SPIRE1: variants seen among roughly 807,000 people sequenced by gnomAD.
SPIRE1 encodes protein spire homolog 1.
Under a neutral mutation model 94.1 loss-of-function variants are expected in SPIRE1, and 40 were observed. That is an observed-to-expected ratio of 0.43 (90% confidence interval 0.33 to 0.55). The LOEUF is 0.55. SPIRE1 is among the 20% of genes least tolerant of loss of function. The probability of loss-of-function intolerance (pLI) is 0.06; values close to 1 mark genes in which losing one functional copy is unlikely to be tolerated. For synonymous variants in SPIRE1, 376 were observed against 371.7 expected, an observed-to-expected ratio of 1.01 and a Z score of -0.13; for missense variants, 838 against 975.2, an observed-to-expected ratio of 0.86 and a Z score of 1.87.
chr18:12,526,107 T>C (rs1159543702), intron 4 of SPIRE1, among the ~76,000 whole-genome samples: 1 of 44,476 alleles, frequency 2.2e-5, no homozygotes, highest in Non-Finnish European at 5.6e-5. Context: ...ATGTATCTGA[T>C]GCCTGCAGAA....
chr18:12,580,877 A>T (rs2036240205), intron 2 of SPIRE1, among the ~76,000 whole-genome samples: 1 of 152,128 alleles, frequency 6.6e-6, no homozygotes, highest in African/African-American at 2.4e-5. Flanking sequence ...AAAGCAGTAG[A>T]GCTAGTTATT....
At chr18:12,525,240 G>A (rs373893254) in intron 4 of SPIRE1, among the ~76,000 whole-genome samples, 36 of 121,646 alleles carry the variant, frequency 3.0e-4, no homozygotes, top group Admixed American at 1.9e-3. Context: ...TCATGCCACC[G>A]TACTCCAGCC....
At chr18:12,568,593 T>G (rs1309504805) in intron 2 of SPIRE1, among the ~76,000 whole-genome samples, 3 of 152,220 alleles carry the variant, frequency 2.0e-5, no homozygotes, top group African/African-American at 7.2e-5. Context: ...TGATGTTAAT[T>G]TGCATGTTTA....
chr18:12,587,992 C>G (rs2036433882), intron 2 of SPIRE1, among the ~76,000 whole-genome samples: 1 of 152,098 alleles, frequency 6.6e-6, no homozygotes, highest in Non-Finnish European at 1.5e-5. Flanking sequence ...TTTCTCCAAC[C>G]CTACTCCCTC....
intron 4 of SPIRE1, among the ~76,000 whole-genome samples, chr18:12,518,640 A>T (rs2034270027): frequency 6.6e-6 from 1 of 152,102 alleles, no homozygotes; most frequent in Admixed American, 6.6e-5. Flanking sequence ...CTGAGATTGC[A>T]TCACTGCATG....
intron 16 of SPIRE1, among the ~76,000 whole-genome samples, chr18:12,451,744 C>T (rs530348065): frequency 5.3e-5 from 8 of 152,216 alleles, no homozygotes; most frequent in Admixed American, 1.3e-4. Flanking sequence ...CAACACTAAA[C>T]TTACCCTGCA....
intron 2 of SPIRE1, among the ~76,000 whole-genome samples, chr18:12,578,708 C>A (rs1330961978): frequency 6.6e-6 from 1 of 152,126 alleles, no homozygotes; most frequent in Non-Finnish European, 1.5e-5. Context: ...CGATGTGTAG[C>A]CCTGGGTCAA....
At chr18:12,549,414 C>CT (rs1567926123) in intron 2 of SPIRE1, among the ~76,000 whole-genome samples, 1 of 16,290 alleles carries the variant, frequency 6.1e-5, no homozygotes, top group South Asian at 1.7e-3. Context: ...TTTTGTTTTG[C>CT]TTTTTGTTTG....
chr18:12,609,312 T>C (rs2037073846), intron 2 of SPIRE1, among the ~76,000 whole-genome samples: 1 of 152,178 alleles, frequency 6.6e-6, no homozygotes, highest in Non-Finnish European at 1.5e-5. Flanking sequence ...AGAGTTCATA[T>C]CAAGGACTAT....
chr18:12,606,015 T>C (rs75051950), intron 2 of SPIRE1, among the ~76,000 whole-genome samples: 1,526 of 152,268 alleles, frequency 0.01, 8 homozygotes, highest in Middle Eastern at 0.031. Flanking sequence ...TACTCCCTCA[T>C]ATCACTCAGA....
intron 2 of SPIRE1, among the ~76,000 whole-genome samples, chr18:12,621,334 TAG>T (rs1221453297): frequency 6.6e-6 from 1 of 152,196 alleles, no homozygotes; most frequent in Non-Finnish European, 1.5e-5. Context: ...AGTTAAAATA[TAG>T]AGTTACCAGT....
chr18:12,573,604 AT>A (rs1350966169), intron 2 of SPIRE1, among the ~76,000 whole-genome samples: 1 of 152,256 alleles, frequency 6.6e-6, no homozygotes, highest in African/African-American at 2.4e-5. Context: ...AGATAATGGA[AT>A]AATATTCAAA....
intron 7 of SPIRE1, among the ~76,000 whole-genome samples, chr18:12,493,612 G>A (rs1041984836): frequency 3.3e-5 from 5 of 152,054 alleles, no homozygotes; most frequent in African/African-American, 1.2e-4. Flanking sequence ...TCACCAAGTT[G>A]GTCAGGCTGG....
intron 12 of SPIRE1, among the ~76,000 whole-genome samples, chr18:12,461,144 C>CACA (rs1251557301): frequency 6.6e-6 from 1 of 152,184 alleles, no homozygotes; most frequent in African/African-American, 2.4e-5. Context: ...AGGAAACAGA[C>CACA]ACAGTCATGG....
chr18:12,633,993 A>C (rs1275152208), intron 2 of SPIRE1, among the ~76,000 whole-genome samples: 1 of 152,228 alleles, frequency 6.6e-6, no homozygotes, highest in Admixed American at 6.5e-5. Context: ...TCATGCCTGT[A>C]ATCCCAGCAC....
intron 10 of SPIRE1, among the ~76,000 whole-genome samples, chr18:12,476,861 A>G (rs967907641): frequency 1.3e-5 from 2 of 152,032 alleles, no homozygotes; most frequent in African/African-American, 4.8e-5. Flanking sequence ...TGTTCCATAA[A>G]TCTTTGAGAT....
At chr18:12,629,733 A>G (rs1024178036) in intron 2 of SPIRE1, among the ~76,000 whole-genome samples, 2 of 152,228 alleles carry the variant, frequency 1.3e-5, no homozygotes, top group African/African-American at 4.8e-5. Flanking sequence ...AAAGAATTAA[A>G]TAAAAAGGTA....
At chr18:12,544,320 C>T (rs921025962) in intron 3 of SPIRE1, among the ~76,000 whole-genome samples, 6 of 151,850 alleles carry the variant, frequency 4.0e-5, no homozygotes, top group African/African-American at 1.5e-4. Flanking sequence ...ATGCCTCAGC[C>T]TCCTGACTAG....
chr18:12,496,160 C>T, intron 6 of SPIRE1, 58 bp from the exon 7 acceptor site: 1 of 1,151,628 alleles, frequency 8.7e-7, no homozygotes, highest in Middle Eastern at 1.9e-4. Flanking sequence ...TCATGAATTT[C>T]TGGGTATAGC....
Sources: gnomAD v4.1 joint callset for allele counts (sites outside exome capture counted in the v4.1 genomes callset) on GRCh38, gnomAD v4.1.1 for gene constraint, MANE v1.5 for transcripts, NCBI Gene and HGNC (gene_info 2026-07-23, HGNC 2026-07-21) for gene names.